SLC5A1: variants seen among roughly 807,000 people sequenced by gnomAD.
SLC5A1 encodes the protein solute carrier family 5 member 1.
In SLC5A1, 42 loss-of-function variants were observed where a neutral mutation model predicts 73.5. The observed-to-expected ratio is 0.57, with a 90% CI of 0.45 to 0.74. SLC5A1 has a LOEUF of 0.74. SLC5A1 is among the 30% of genes least tolerant of loss of function. The pLI is 0.00. For missense variants in SLC5A1, 634 were observed against 855.4 expected, an observed-to-expected ratio of 0.74 and a Z score of 3.23; for synonymous variants, 300 against 317.4, an observed-to-expected ratio of 0.95 and a Z score of 0.58.
intron 2 of SLC5A1, among the ~76,000 whole-genome samples, chr22:32,060,014 T>TACACACACACACACACACAC (rs58053068): frequency 7.3e-6 from 1 of 137,606 alleles, no homozygotes; most frequent in African/African-American, 2.8e-5. Flanking sequence ...GCCATGGTTA[T>TACACACACACACACACACAC]ACACACACAC....
intron 9 of SLC5A1, 88 bp downstream of exon 9, chr22:32,085,123 T>TC: frequency 6.6e-7 from 1 of 1,514,212 alleles, no homozygotes; most frequent in Non-Finnish European, 9.1e-7. Context: ...CGCTTCCTCC[T>TC]CTTTTTTTTT....
intron 13 of SLC5A1, among the ~76,000 whole-genome samples, chr22:32,104,025 T>C (rs758120762): frequency 1.2e-4 from 18 of 152,200 alleles, no homozygotes; most frequent in Admixed American, 2.0e-4. Flanking sequence ...AGGATTTTGT[T>C]AATCCTTTAC....
chr22:32,068,690 A>G (rs2093978180), intron 5 of SLC5A1, 90 bp downstream of exon 5: 1 of 905,064 alleles, frequency 1.1e-6, no homozygotes, highest in Non-Finnish European at 1.8e-6. Flanking sequence ...GCGGCTCTAT[A>G]CATTTCTATT....
At chr22:32,056,169 G>A (rs187311174) in intron 2 of SLC5A1, among the ~76,000 whole-genome samples, 2 of 152,134 alleles carry the variant, frequency 1.3e-5, no homozygotes, top group East Asian at 1.9e-4. Flanking sequence ...CTACAGGTGC[G>A]TGCCACCACG....
chr22:32,085,566 T>TCC (rs2094006886), intron 9 of SLC5A1, among the ~76,000 whole-genome samples: 1 of 146,100 alleles, frequency 6.8e-6, no homozygotes, highest in African/African-American at 2.5e-5. Context: ...TTTTTTTTTT[T>TCC]CAAATCTTCT....
rs34960379 is a variant in SLC5A1, at chr22:32,049,091, AATAT to A, written c.136-834_136-831del. Among the ~76,000 whole-genome samples, 632 of 129,020 alleles carry A rather than the reference AATAT, an allele frequency of 4.9e-3. 7 individuals are homozygous for A. Among genetic ancestry groups the A allele is most frequent in the African/African-American group, 0.016 (476 of 29,296 alleles). 84.6% of individuals were successfully genotyped at this position (129,020 alleles called of 152,430 possible). ...TTTGTCTAAAATAAATAAATAAATA[AATAT>A]ATATATATATATATATAATCATTAT... On this transcript the variant is annotated intron_variant, in intron 1 of 14. Transcript: ENST00000266088.
intron 14 of SLC5A1, among the ~76,000 whole-genome samples, chr22:32,107,892 A>C (rs2094049077): frequency 6.6e-6 from 1 of 152,168 alleles, no homozygotes; most frequent in Middle Eastern, 3.2e-3. Context: ...TTGCAGGTGC[A>C]TCACTGTCCC....
chr22:32,056,312 T>C (rs910290810), intron 2 of SLC5A1, among the ~76,000 whole-genome samples: 2 of 152,164 alleles, frequency 1.3e-5, no homozygotes, highest in African/African-American at 4.8e-5. Flanking sequence ...TGAGCTACCA[T>C]GCCTGACCAG....
chr22:32,109,346 G>A (rs1475773347), intron 14 of SLC5A1, among the ~76,000 whole-genome samples: 3 of 152,170 alleles, frequency 2.0e-5, no homozygotes, highest in Non-Finnish European at 2.9e-5. Context: ...GCTCAGAGGA[G>A]GGAATCAGTT....
chr22:32,045,519 CCTT>C (rs1443469734), intron 1 of SLC5A1, among the ~76,000 whole-genome samples: 1 of 152,178 alleles, frequency 6.6e-6, no homozygotes, highest in Non-Finnish European at 1.5e-5. Context: ...CACTCTGACT[CCTT>C]CATGATCTCT....
At chr22:32,049,388 C>A (rs2093942194) in intron 1 of SLC5A1, among the ~76,000 whole-genome samples, 1 of 142,010 alleles carries the variant, frequency 7.0e-6, no homozygotes, top group Non-Finnish European at 1.5e-5. Flanking sequence ...CCATATGGTA[C>A]TTTTTAAAAG....
At chr22:32,047,501 T>C (rs1363257300) in intron 1 of SLC5A1, among the ~76,000 whole-genome samples, 1 of 151,432 alleles carries the variant, frequency 6.6e-6, no homozygotes, top group African/African-American at 2.4e-5. Context: ...TTCTGATTCT[T>C]AGGTCTCTTG....
chr22:32,078,592 C>T lies in SLC5A1; in HGVS notation c.478-3274C>T, dbSNP rs973262249. 4.6e-5 allele frequency among the ~76,000 whole-genome samples: 7 copies of T among 152,212 alleles called. No individual in the cohort carries two copies. In the South Asian group the frequency reaches 6.2e-4, roughly 14 times the overall value. ...GCCTGTGGTGTTTATTTTAACCCCC[C>T]ACACATACATTATTTTATTTGAGAT... On this transcript the variant is annotated intron_variant, in intron 5 of 14. Transcript: ENST00000266088.
intron 1 of SLC5A1, among the ~76,000 whole-genome samples, chr22:32,049,117 T>A (rs961476638): frequency 2.8e-5 from 4 of 142,672 alleles, no homozygotes; most frequent in African/African-American, 1.0e-4. Flanking sequence ...TATATAATCA[T>A]TATATATATA....
intron 12 of SLC5A1, among the ~76,000 whole-genome samples, chr22:32,099,560 G>A (rs538887853): frequency 2.0e-5 from 3 of 151,538 alleles, no homozygotes; most frequent in East Asian, 3.9e-4. Context: ...GAGGGTCCAC[G>A]TTCTGTCTCC....
chr22:32,083,225 C>T (rs1014691385), intron 7 of SLC5A1, 71 bp downstream of exon 7: 58 of 1,284,020 alleles, frequency 4.5e-5, no homozygotes, highest in East Asian at 7.0e-5. Context: ...GAAGGCAAGT[C>T]CAGCCTCTCT....
At chr22:32,107,515 A>G (rs191846051) in intron 14 of SLC5A1, among the ~76,000 whole-genome samples, 2 of 152,320 alleles carry the variant, frequency 1.3e-5, no homozygotes, top group Admixed American at 1.3e-4. Context: ...TTCATCACAT[A>G]AAAGTATTCT....
At chr22:32,060,142 CAT>C (rs1174336682) in intron 2 of SLC5A1, among the ~76,000 whole-genome samples, 13 of 18,592 alleles carry the variant, frequency 7.0e-4, no homozygotes, top group South Asian at 4.9e-3. Flanking sequence ...TATATATACA[CAT>C]ACACACACAC....
At chr22:32,061,054 T>A (rs1194949694) in intron 2 of SLC5A1, among the ~76,000 whole-genome samples, 3 of 152,074 alleles carry the variant, frequency 2.0e-5, no homozygotes, top group African/African-American at 7.2e-5. Flanking sequence ...TCTGGGTGGG[T>A]CATTAAATAG....
Sources: gnomAD v4.1 joint callset for allele counts (sites outside exome capture counted in the v4.1 genomes callset) on GRCh38, gnomAD v4.1.1 for gene constraint, MANE v1.5 for transcripts, NCBI Gene and HGNC (gene_info 2026-07-23, HGNC 2026-07-21) for gene names.